The following CARD8 variants were observed in gnomAD, a reference collection of about 807,000 sequenced individuals.
CARD8 encodes the protein caspase recruitment domain family member 8.
CARD8 carries 38 observed loss-of-function variants against 53.2 expected under a neutral mutation model. The observed-to-expected ratio is 0.71, with a 90% CI of 0.55 to 0.94. CARD8 has a LOEUF of 0.94. Ranked by LOEUF, CARD8 falls within the 40% of genes least tolerant of loss-of-function variation. The pLI is 0.00. For synonymous variants in CARD8, 245 were observed against 244.9 expected, an observed-to-expected ratio of 1.00 and a Z score of 0.00; for missense variants, 561 against 655.5, an observed-to-expected ratio of 0.86 and a Z score of 1.57.
intron 3 of CARD8, among the ~76,000 whole-genome samples, chr19:48,245,662 T>C (rs2045988577): frequency 6.6e-6 from 1 of 151,778 alleles, no homozygotes; most frequent in African/African-American, 2.4e-5. Context: ...ATAATGCTTT[T>C]ATTTTGAAAT....
At chr19:48,212,149 A>G (rs1305892797) in intron 13 of CARD8, among the ~76,000 whole-genome samples, 174 bp from the exon 14 acceptor site, 1 of 152,232 alleles carries the variant, frequency 6.6e-6, no homozygotes, top group African/African-American at 2.4e-5. Flanking sequence ...CCTTTGCAGT[A>G]TCAAATGCAT....
intron 5 of CARD8, 150 bp from the exon 6 acceptor site, chr19:48,234,693 A>T: frequency 1.6e-6 from 1 of 623,812 alleles, no homozygotes; most frequent in African/African-American, 1.9e-5. Context: ...ACTCCATCTC[A>T]CCTCTCAGAC....
chr19:48,232,635 T>C (rs1395430152), intron 6 of CARD8, 142 bp from the exon 7 acceptor site: 1 of 762,444 alleles, frequency 1.3e-6, no homozygotes, highest in Non-Finnish European at 2.3e-6. Flanking sequence ...TAAATTTGTA[T>C]GAATTAAACT....
At chr19:48,214,354 A>G (rs1043906891) in intron 13 of CARD8, among the ~76,000 whole-genome samples, 6 of 152,220 alleles carry the variant, frequency 3.9e-5, no homozygotes, top group Non-Finnish European at 8.8e-5. Flanking sequence ...GGCACCAGGG[A>G]AAGGCCGTCT....
At chr19:48,223,699 G>A (rs2041154208) in intron 10 of CARD8, 2 of 361,670 alleles carry the variant, frequency 5.5e-6, no homozygotes, top group African/African-American at 2.1e-5. Flanking sequence ...ACAGATTTCT[G>A]TAGGTGTTGA....
intron 10 of CARD8, among the ~76,000 whole-genome samples, chr19:48,222,539 A>T (rs1262274809): frequency 6.6e-6 from 1 of 152,146 alleles, no homozygotes; most frequent in Non-Finnish European, 1.5e-5. Context: ...AAATATAAAA[A>T]TTAGCCGGGC....
At chr19:48,206,878 G>A (rs1370030091), downstream of CARD8, among the ~76,000 whole-genome samples, 2 of 152,132 alleles carry the variant, frequency 1.3e-5, no homozygotes, top group Non-Finnish European at 2.9e-5. Flanking sequence ...AAGTTCTGTT[G>A]GACAGCCCTG....
At chr19:48,205,225 T>C (rs1013529460), downstream of CARD8, among the ~76,000 whole-genome samples, 11 of 152,154 alleles carry the variant, frequency 7.2e-5, no homozygotes, top group African/African-American at 1.9e-4. Flanking sequence ...GTTTCGGCCA[T>C]ATACAATTGT....
intron 4 of CARD8, among the ~76,000 whole-genome samples, chr19:48,240,135 T>C (rs1259648142): frequency 1.3e-5 from 2 of 152,220 alleles, no homozygotes; most frequent in Non-Finnish European, 2.9e-5. Context: ...ATACATGAAA[T>C]ATTTGGTCAG....
intron 3 of CARD8, among the ~76,000 whole-genome samples, chr19:48,247,341 T>C (rs2046288899): frequency 6.6e-6 from 1 of 151,888 alleles, no homozygotes; most frequent in African/African-American, 2.4e-5. Context: ...AAAAGTAAAA[T>C]AAAATAAACT....
chr19:48,255,049 A>G (rs184434900), intron 1 of CARD8, among the ~76,000 whole-genome samples: 1 of 152,258 alleles, frequency 6.6e-6, no homozygotes, highest in East Asian at 1.9e-4. Flanking sequence ...GTCTATTCCC[A>G]ATTGCAATGC....
intron 13 of CARD8, among the ~76,000 whole-genome samples, chr19:48,212,357 T>C (rs2123825060): frequency 6.6e-6 from 1 of 152,324 alleles, no homozygotes; most frequent in Middle Eastern, 3.4e-3. Context: ...CTGTGCATGA[T>C]GCTAGAGGTA....
At chr19:48,255,468 A>C (rs893948476) in intron 1 of CARD8, among the ~76,000 whole-genome samples, 6 of 152,252 alleles carry the variant, frequency 3.9e-5, no homozygotes, top group Non-Finnish European at 8.8e-5. Context: ...TAAAATTATT[A>C]GTATTAACAA....
At chr19:48,207,734 G>GTTTT (rs758903014), downstream of CARD8, among the ~76,000 whole-genome samples, 1 of 116,552 alleles carries the variant, frequency 8.6e-6, no homozygotes, top group Non-Finnish European at 1.7e-5. Context: ...TTGTTTTTCT[G>GTTTT]TTTTTTTTTT....
intron 6 of CARD8, 119 bp from the exon 7 acceptor site, chr19:48,232,612 C>T (rs762543865): frequency 9.7e-6 from 8 of 822,956 alleles, no homozygotes; most frequent in African/African-American, 3.4e-5. Context: ...AGCCGCTACC[C>T]GGATATGCTA....
chr19:48,233,142 C>A, intron 6 of CARD8: 1 of 353,794 alleles, frequency 2.8e-6, no homozygotes, highest in Non-Finnish European at 5.5e-6. Context: ...GGAGGTGGCA[C>A]CAAAGCATCG....
chr19:48,241,332 A>C (rs1335642294), intron 3 of CARD8, among the ~76,000 whole-genome samples: 1 of 152,110 alleles, frequency 6.6e-6, no homozygotes, highest in Non-Finnish European at 1.5e-5. Flanking sequence ...CTTGACTCAC[A>C]GCAACCTCCA....
At chr19:48,207,732 CTG>C (rs2037422162), downstream of CARD8, among the ~76,000 whole-genome samples, 1 of 91,278 alleles carries the variant, frequency 1.1e-5, no homozygotes, top group Non-Finnish European at 2.1e-5. Context: ...TGTTGTTTTT[CTG>C]TTTTTTTTTT....
At position 48,210,306 on chromosome 19, in the gene CARD8, G is replaced by T. The variant is rs1347806679; in HGVS notation, c.*1404C>A. ...TCCTCAGAGGAAGCAAAAAATAAGA[G>T]AATCTGTACCTATCAGAACCACTCT... On this transcript the variant is annotated 3_prime_UTR_variant, in exon 14 of 14. Coordinates refer to ENST00000651546, the MANE Select transcript of CARD8 (RefSeq NM_001184900.3). 1 of 152,074 alleles carries T rather than the reference G, an allele frequency of 6.6e-6. No homozygotes were observed. Among genetic ancestry groups the T allele is most frequent in the Admixed American group, 6.6e-5 (1 of 15,250 alleles). 9.4% of individuals were successfully genotyped at this position (152,074 alleles called of 1,614,324 possible).
Sources: allele counts gnomAD v4.1 joint callset (sites outside exome capture counted in the v4.1 genomes callset), GRCh38; gene constraint gnomAD v4.1.1; transcripts MANE v1.5; gene names NCBI Gene and HGNC (gene_info 2026-07-23, HGNC 2026-07-21).